Variants in CHCHD6 observed in about 807,000 individuals in gnomAD.
CHCHD6 encodes the protein MICOS complex subunit MIC25.
Under a neutral mutation model 32.3 loss-of-function variants are expected in CHCHD6, and 28 were observed. That is an observed-to-expected ratio of 0.87 (90% confidence interval 0.64 to 1.19). The LOEUF (loss-of-function observed/expected upper bound fraction) is 1.19. CHCHD6 is among the 50% of genes most tolerant of loss of function. The pLI is 0.00. For missense variants in CHCHD6, 333 were observed against 307.0 expected (o/e 1.08, Z -0.63); for synonymous variants, 122 against 117.5 (o/e 1.04, Z -0.25).
At chr3:126,950,580 A>G (rs1428932909) in intron 6 of CHCHD6, among the ~76,000 whole-genome samples, 2 of 152,132 alleles carry the variant, frequency 1.3e-5, no homozygotes, top group Non-Finnish European at 2.9e-5. Flanking sequence ...CCTCCCAACT[A>G]ACTGGGATTA....
intron 3 of CHCHD6, among the ~76,000 whole-genome samples, chr3:126,732,315 T>C (rs1293100444): frequency 6.6e-6 from 1 of 152,202 alleles, no homozygotes; most frequent in Non-Finnish European, 1.5e-5. Context: ...TTTAGGGTTA[T>C]TTTTTGAATG....
intron 4 of CHCHD6, among the ~76,000 whole-genome samples, chr3:126,745,764 C>T (rs1936474971): frequency 6.6e-6 from 1 of 152,174 alleles, no homozygotes; most frequent in African/African-American, 2.4e-5. Context: ...TTGTTCTTTC[C>T]TAACTCTTAA....
At chr3:126,900,492 C>G (rs1168101395) in intron 5 of CHCHD6, among the ~76,000 whole-genome samples, 2 of 152,030 alleles carry the variant, frequency 1.3e-5, no homozygotes, top group Non-Finnish European at 2.9e-5. Context: ...GCATCTGTTT[C>G]TGGGAATACC....
intron 7 of CHCHD6, chr3:126,957,816 G>T: frequency 1.8e-6 from 1 of 550,136 alleles, no homozygotes; most frequent in South Asian, 2.0e-5. Context: ...GTGGGAGCAG[G>T]CTGGGTAAAG....
intron 5 of CHCHD6, among the ~76,000 whole-genome samples, chr3:126,871,790 C>T (rs1338089450): frequency 1.3e-5 from 2 of 151,704 alleles, no homozygotes; most frequent in Non-Finnish European, 2.9e-5. Context: ...CTCAGCCTCC[C>T]GAGTAGCTGG....
chr3:126,892,261 G>A (rs1468648592), intron 5 of CHCHD6, among the ~76,000 whole-genome samples: 2 of 152,168 alleles, frequency 1.3e-5, no homozygotes, highest in Non-Finnish European at 2.9e-5. Flanking sequence ...CATGAGAGCT[G>A]GTTGTTCTTC....
At chr3:126,786,241 A>G (rs1019261992) in intron 4 of CHCHD6, among the ~76,000 whole-genome samples, 22 of 152,168 alleles carry the variant, frequency 1.4e-4, no homozygotes, top group African/African-American at 4.3e-4. Flanking sequence ...TGGACATTTG[A>G]GTTGGTTCCA....
intron 4 of CHCHD6, among the ~76,000 whole-genome samples, chr3:126,837,426 G>A (rs1358609506): frequency 6.6e-6 from 1 of 152,132 alleles, no homozygotes; most frequent in Non-Finnish European, 1.5e-5. Flanking sequence ...AGCCAAGCAT[G>A]GTGTGTTTGT....
intron 4 of CHCHD6, among the ~76,000 whole-genome samples, chr3:126,846,454 T>G (rs1436397829): frequency 4.6e-5 from 7 of 152,214 alleles, no homozygotes; most frequent in Non-Finnish European, 8.8e-5. Flanking sequence ...AGACCAAGAC[T>G]ATGTATGTGG....
At chr3:126,815,382 C>T (rs1326284751) in intron 4 of CHCHD6, among the ~76,000 whole-genome samples, 4 of 152,126 alleles carry the variant, frequency 2.6e-5, no homozygotes, top group Non-Finnish European at 4.4e-5. Context: ...AGATCCACAC[C>T]GCAGCATGGT....
intron 4 of CHCHD6, among the ~76,000 whole-genome samples, chr3:126,782,633 G>C (rs558565338): frequency 1.2e-4 from 18 of 152,334 alleles, no homozygotes; most frequent in Non-Finnish European, 1.9e-4. Flanking sequence ...GGTCCAAGGT[G>C]GGGGCATCAG....
intron 6 of CHCHD6, among the ~76,000 whole-genome samples, chr3:126,931,977 C>T (rs751900980): frequency 1.1e-4 from 16 of 152,174 alleles, no homozygotes; most frequent in Non-Finnish European, 1.9e-4. Context: ...GGGCTGGAAG[C>T]GGCAGAGCCA....
rs373830542 is a variant in CHCHD6, at chr3:126,957,454, C to G, written c.605C>G (p.Ala202Gly). The change falls in exon 7 of 8, where the codon GCC becomes GGC. Residue 202 changes from alanine to glycine, a missense_variant. Ala to Gly is a moderately conservative substitution (Grantham distance 60, BLOSUM62 0). Coordinates refer to ENST00000290913, the MANE Select transcript of CHCHD6 (RefSeq NM_032343.3). ...GAGCCCGTCTGCTCAGGGTTGCAGG[C>G]CCAGATTCTCCACTGCTACCGAGAT... ...RVEPVCSGLQ[A>G]QILHCYRDRP... 5.5e-5 allele frequency: 89 copies of G among 1,611,044 alleles called. No homozygotes were observed. The highest frequency in any genetic ancestry group is 7.5e-5 in the Non-Finnish European group (89 of 1,179,062).
intron 4 of CHCHD6, among the ~76,000 whole-genome samples, chr3:126,809,975 C>A (rs1939587739): frequency 6.6e-6 from 1 of 152,050 alleles, no homozygotes; most frequent in Non-Finnish European, 1.5e-5. Context: ...ATTTTGGTGT[C>A]AAAAAATTGA....
chr3:126,728,531 C>T (rs1228933392), intron 2 of CHCHD6, among the ~76,000 whole-genome samples: 1 of 152,112 alleles, frequency 6.6e-6, no homozygotes, highest in Non-Finnish European at 1.5e-5. Context: ...GTGAGATTCC[C>T]GAAAACCCTC....
chr3:126,924,124 C>T (rs2078291674), intron 6 of CHCHD6, among the ~76,000 whole-genome samples: 1 of 152,172 alleles, frequency 6.6e-6, no homozygotes, highest in Admixed American at 6.5e-5. Flanking sequence ...ACGACAGCTA[C>T]GGTGTGCGCC....
intron 5 of CHCHD6, among the ~76,000 whole-genome samples, chr3:126,857,767 C>T (rs1397272419): frequency 1.3e-5 from 2 of 152,214 alleles, no homozygotes; most frequent in African/African-American, 2.4e-5. Flanking sequence ...ATTGCACACT[C>T]GGAAGAATGG....
chr3:126,761,962 T>TC (rs1262134351), intron 4 of CHCHD6, among the ~76,000 whole-genome samples: 1 of 152,230 alleles, frequency 6.6e-6, no homozygotes. Flanking sequence ...GCTCCTTATG[T>TC]CCTTTTTATT....
At chr3:126,942,258 G>T (rs776716122) in intron 6 of CHCHD6, among the ~76,000 whole-genome samples, 5 of 152,146 alleles carry the variant, frequency 3.3e-5, no homozygotes, top group African/African-American at 1.2e-4. Flanking sequence ...CGGTCTCCCT[G>T]CTGTGAAGGC....
Sources: allele counts gnomAD v4.1 joint callset (sites outside exome capture counted in the v4.1 genomes callset), GRCh38; gene constraint gnomAD v4.1.1; transcripts MANE v1.5; gene names NCBI Gene and HGNC (gene_info 2026-07-23, HGNC 2026-07-21).